The following KDM3B variants were observed in gnomAD, a reference collection of about 807,000 sequenced individuals.
The protein encoded by KDM3B is lysine-specific demethylase 3B.
In KDM3B, 10 loss-of-function variants were observed where a neutral mutation model predicts 170.0. That is an observed-to-expected ratio of 0.06 (90% confidence interval 0.04 to 0.10). KDM3B has a LOEUF of 0.10. Ranked by LOEUF, KDM3B falls within the 10% of genes least tolerant of loss-of-function variation. The pLI is 1.00. For synonymous variants in KDM3B, 831 were observed against 834.8 expected (o/e 1.00, Z 0.08); for missense variants, 1,394 against 2,195.2 (o/e 0.64, Z 7.29).
chr5:138,425,441 C>T lies in KDM3B; in HGVS notation c.4270C>T (p.Leu1424Phe). ...GCTGGTTTCGGGGGTACATAAAAAGCTCAAGTCTGAGCTCTGGAAGCCAGA... is the reference window on the plus strand; with the variant it reads ...GCTGGTTTCGGGGGTACATAAAAAGTTCAAGTCTGAGCTCTGGAAGCCAGA... ...PVLVSGVHKK[L>F]KSELWKPEAF... is the part of the protein sequence containing the mutation. The change falls in exon 17 of 24, where the codon CTC (leucine) becomes TTC (phenylalanine). Residue 1424 changes from leucine to phenylalanine, a missense_variant. By Grantham distance (22) the Leu-to-Phe change is conservative (BLOSUM62 0). Transcript: ENST00000314358. 6.2e-7 allele frequency: 1 copy of T among 1,613,978 alleles called. No individual in the cohort carries two copies. Among genetic ancestry groups the T allele is most frequent in the Non-Finnish European group, 8.5e-7 (1 of 1,179,952 alleles).
At chr5:138,399,585 T>C (rs1561778860) in intron 10 of KDM3B, among the ~76,000 whole-genome samples, 1 of 152,020 alleles carries the variant, frequency 6.6e-6, no homozygotes, top group Non-Finnish European at 1.5e-5. Flanking sequence ...AGTGACAACA[T>C]GTGGCAGTAA....
intron 9 of KDM3B, among the ~76,000 whole-genome samples, chr5:138,395,371 A>T (rs1762521424): frequency 1.3e-5 from 2 of 152,218 alleles, no homozygotes; most frequent in African/African-American, 4.8e-5. Flanking sequence ...AGACTGAGAA[A>T]GAACAGCTAG....
chr5:138,425,090 G>A (rs1008320781), intron 16 of KDM3B, among the ~76,000 whole-genome samples: 1 of 152,216 alleles, frequency 6.6e-6, no homozygotes, highest in African/African-American at 2.4e-5. Flanking sequence ...GGAGCTCATG[G>A]CATTGTCATT....
chr5:138,428,128 T>C (rs1195114257), intron 20 of KDM3B, 42 bp downstream of exon 20: 1 of 1,595,754 alleles, frequency 6.3e-7, no homozygotes, highest in Admixed American at 1.8e-5. Context: ...GGTGAGGCTT[T>C]GTCTTGGGAA....
rs745347668 is a variant in KDM3B at position 138,398,271 on chromosome 5, T to C, written c.2925T>C (p.Ser975=). ...ATGCCATGAACCTGTGGATTCCCTCTTCCTCCCTAGCAGAAGGGATAGATC... is the reference window on the plus strand; with the variant it reads ...ATGCCATGAACCTGTGGATTCCCTCCTCCTCCCTAGCAGAAGGGATAGATC... ...DPDAMNLWIP[S]SSLAEGIDLE... The change falls in exon 10 of 24, where the codon TCT becomes TCC. Residue 975 remains serine (S), a synonymous_variant. Coordinates refer to ENST00000314358, the MANE Select transcript of KDM3B (RefSeq NM_016604.4). 7.4e-6 allele frequency: 12 copies of C among 1,614,132 alleles called. No homozygotes were observed. The Admixed American group carries it at 8.3e-5, about 11-fold the overall frequency.
chr5:138,361,812 T>A (rs972813136), intron 1 of KDM3B, among the ~76,000 whole-genome samples: 6 of 152,226 alleles, frequency 3.9e-5, no homozygotes, highest in African/African-American at 1.2e-4. Context: ...TTATTCTTTG[T>A]TCCTTTAGCA....
chr5:138,422,686 G>GCACC (rs1324071470), intron 15 of KDM3B, among the ~76,000 whole-genome samples: 1 of 152,008 alleles, frequency 6.6e-6, no homozygotes, highest in Non-Finnish European at 1.5e-5. Flanking sequence ...AGTTTCCTTT[G>GCACC]CACCCTTGCC....
Position 138,414,187 on chromosome 5 carries a change from A to T in KDM3B, c.3200-945A>T, listed in dbSNP as rs1249675288. 2.6e-5 allele frequency among the ~76,000 whole-genome samples: 4 copies of T among 151,672 alleles called. No homozygotes were observed. The East Asian group carries it at 7.8e-4, about 30-fold the overall frequency. ...AAACTTATTATTATTTTTTTTTGAG[A>T]TGGAGTCTCGCTCTGTCGCCCAGGC... is the stretch of plus-strand genomic sequence containing the variant. On this transcript the variant is annotated intron_variant, in intron 11 of 23. Transcript: ENST00000314358.
chr5:138,424,054 T>C, intron 15 of KDM3B, 21 bp from the exon 16 acceptor site: 1 of 1,522,518 alleles, frequency 6.6e-7, no homozygotes, highest in Non-Finnish European at 8.8e-7. Context: ...CAAGCTTACC[T>C]GGTGGATTTG....
chr5:138,384,954 G>A (rs981859671), intron 6 of KDM3B, among the ~76,000 whole-genome samples: 2 of 151,346 alleles, frequency 1.3e-5, no homozygotes, highest in African/African-American at 4.9e-5. Context: ...TAGAAACTTA[G>A]ATAATATTAC....
At position 138,426,982 on chromosome 5, in the gene KDM3B, A is replaced by G. The variant is rs140460299; in HGVS notation, c.4419A>G (p.Leu1473=). ...WDGFEIICKR[L]RSEDGQPMVL... is the part of the protein sequence containing the mutation. ...GTATTCTCTGTCTTCCAGAACGACT[A>G]CGGTCAGAAGATGGGCAGCCAATGG... Residue 1473 remains leucine, a synonymous_variant, in exon 18 of 24, where the codon CTA becomes CTG. Coordinates refer to ENST00000314358, the MANE Select transcript of KDM3B (RefSeq NM_016604.4). 247 of 1,613,854 alleles carry G rather than the reference A, an allele frequency of 1.5e-4. No homozygotes were observed. Among genetic ancestry groups the G allele is most frequent in the Middle Eastern group, 8.3e-4 (5 of 6,056 alleles).
intron 1 of KDM3B, among the ~76,000 whole-genome samples, chr5:138,359,080 G>T (rs1458864255): frequency 6.6e-6 from 1 of 151,802 alleles, no homozygotes; most frequent in East Asian, 1.9e-4. Context: ...TACTGAGAAT[G>T]ATGATTTCCA....
chr5:138,385,314 G>A (rs923439791), intron 6 of KDM3B, among the ~76,000 whole-genome samples: 1 of 152,012 alleles, frequency 6.6e-6, no homozygotes, highest in Non-Finnish European at 1.5e-5. Context: ...GAGCCAACAC[G>A]CCAGGCCTCC....
At chr5:138,389,895 C>G (rs1474876455) in intron 7 of KDM3B, among the ~76,000 whole-genome samples, 4 of 151,616 alleles carry the variant, frequency 2.6e-5, no homozygotes, top group Non-Finnish European at 4.4e-5. Context: ...GAATCTTGCT[C>G]TGTTGCCAGG....
chr5:138,369,513 C>G (rs1761823365), intron 1 of KDM3B, among the ~76,000 whole-genome samples: 1 of 152,156 alleles, frequency 6.6e-6, no homozygotes. Flanking sequence ...GTTGCACGCA[C>G]ACACCCACAC....
At chr5:138,356,869 C>T (rs1282831949) in intron 1 of KDM3B, among the ~76,000 whole-genome samples, 3 of 152,054 alleles carry the variant, frequency 2.0e-5, no homozygotes, top group African/African-American at 4.8e-5. Context: ...GTCTCGATCT[C>T]CTGACCTCGT....
chr5:138,422,324 A>T (rs1763292443), intron 15 of KDM3B, among the ~76,000 whole-genome samples: 1 of 152,178 alleles, frequency 6.6e-6, no homozygotes, highest in African/African-American at 2.4e-5. Flanking sequence ...GAATGAATTC[A>T]TAAGGTACAA....
At chr5:138,368,211 T>G (rs1196141166) in intron 1 of KDM3B, among the ~76,000 whole-genome samples, 5 of 151,728 alleles carry the variant, frequency 3.3e-5, no homozygotes, top group Non-Finnish European at 4.4e-5. Flanking sequence ...TTAAAATGGT[T>G]GTTCTTCTTC....
intron 7 of KDM3B, among the ~76,000 whole-genome samples, chr5:138,386,962 G>A (rs1762279058): frequency 6.6e-6 from 1 of 152,174 alleles, no homozygotes; most frequent in African/African-American, 2.4e-5. Flanking sequence ...TATAAGAGGT[G>A]AGGTTAATGA....
Sources: gnomAD v4.1 joint callset for allele counts (sites outside exome capture counted in the v4.1 genomes callset) on GRCh38, gnomAD v4.1.1 for gene constraint, MANE v1.5 for transcripts, NCBI Gene and HGNC (gene_info 2026-07-23, HGNC 2026-07-21) for gene names.